TCF12: variants seen among roughly 807,000 people sequenced by gnomAD.
TCF12 encodes the protein DNA-binding protein HTF4.
Under a neutral mutation model 86.0 loss-of-function variants are expected in TCF12, and 45 were observed. The observed-to-expected ratio is 0.52, with a 90% CI of 0.41 to 0.67. The LOEUF (loss-of-function observed/expected upper bound fraction) is 0.67, where lower values mean the gene tolerates loss of function less well. Ranked by LOEUF, TCF12 falls within the 30% of genes least tolerant of loss-of-function variation. TCF12 has a pLI of 0.00. For synonymous variants in TCF12, 330 were observed against 299.6 expected (o/e 1.10, Z -1.05); for missense variants, 881 against 859.9 (o/e 1.02, Z -0.31).
intron 3 of TCF12, among the ~76,000 whole-genome samples, chr15:57,009,930 A>T (rs1255853438): frequency 6.6e-6 from 1 of 152,168 alleles, no homozygotes; most frequent in Non-Finnish European, 1.5e-5. Flanking sequence ...AGGTATTTGG[A>T]TTTATATATT....
In TCF12 at chr15:57,286,883, A is replaced by G. The variant is rs1404038266; in HGVS notation, c.*738A>G. 8 of 337,906 alleles carry G rather than the reference A, an allele frequency of 2.4e-5. No individual in the cohort carries two copies. Among genetic ancestry groups the G allele is most frequent in the Non-Finnish European group, 4.1e-5 (7 of 172,526 alleles). The allele number at this position is 337,906 out of a possible 1,614,324, so 20.9% of individuals were successfully genotyped here. On this transcript the variant is annotated 3_prime_UTR_variant, in exon 21 of 21. Transcript: ENST00000333725. Reference sequence around the variant, plus strand: ...GGTCACAGTCCAGCCTCCTCCGTGCAGCCCTGTGTGCTTTGCACATTTACC... The same window carrying G: ...GGTCACAGTCCAGCCTCCTCCGTGCGGCCCTGTGTGCTTTGCACATTTACC...
chr15:57,168,146 T>A (rs1567552816), intron 6 of TCF12, among the ~76,000 whole-genome samples: 2 of 151,234 alleles, frequency 1.3e-5, no homozygotes, highest in Non-Finnish European at 1.5e-5. Context: ...ATTGCATCTC[T>A]AAAAAAAAAT....
rs4774909 is a variant in TCF12 at position 57,113,009 on chromosome 15, G to A, written c.325+21118G>A. Among the ~76,000 whole-genome samples, 544 of 152,028 alleles carry A rather than the reference G, an allele frequency of 3.6e-3. 2 individuals are homozygous for A. The highest frequency in any genetic ancestry group is 6.4e-3 in the South Asian group (31 of 4,824). ...TTTTTCATGGTAAGAAGTTATCGTGGATCTCCTGCACATCATTGTTCTGTG... is the reference window on the plus strand; with the variant it reads ...TTTTTCATGGTAAGAAGTTATCGTGAATCTCCTGCACATCATTGTTCTGTG... On this transcript the variant is annotated intron_variant, in intron 5 of 20. Coordinates refer to ENST00000333725, the MANE Select transcript of TCF12 (RefSeq NM_207037.2).
chr15:57,246,096 G>T (rs561384719), intron 13 of TCF12, among the ~76,000 whole-genome samples: 1 of 152,240 alleles, frequency 6.6e-6, no homozygotes, highest in Non-Finnish European at 1.5e-5. Context: ...ATCTTGTGTG[G>T]CAATGGCCTG....
At chr15:56,946,348 C>A (rs1232645206) in intron 3 of TCF12, among the ~76,000 whole-genome samples, 1 of 152,186 alleles carries the variant, frequency 6.6e-6, no homozygotes, top group African/African-American at 2.4e-5. Context: ...GGCTACCGAT[C>A]TTTTCTTCTG....
chr15:56,945,314 A>G (rs1234043214), intron 3 of TCF12, among the ~76,000 whole-genome samples: 2 of 152,110 alleles, frequency 1.3e-5, no homozygotes, highest in African/African-American at 4.8e-5. Context: ...GAGAGTTTAT[A>G]TTAATCCATG....
chr15:57,019,064 T>G (rs1292415985), intron 3 of TCF12, among the ~76,000 whole-genome samples: 2 of 152,176 alleles, frequency 1.3e-5, no homozygotes, highest in Admixed American at 6.5e-5. Context: ...CTGTTAAGAA[T>G]GAGAGGAGTT....
At chr15:56,941,479 TCTC>T (rs2060773308) in intron 3 of TCF12, among the ~76,000 whole-genome samples, 1 of 151,718 alleles carries the variant, frequency 6.6e-6, no homozygotes. Flanking sequence ...TTCTAGCAAT[TCTC>T]CTGCCTCAGC....
At chr15:57,269,777 C>A (rs2061044911) in intron 18 of TCF12, among the ~76,000 whole-genome samples, 1 of 152,098 alleles carries the variant, frequency 6.6e-6, no homozygotes, top group African/African-American at 2.4e-5. Context: ...TCAGCATTTG[C>A]TTGTCTGTAA....
chr15:57,264,157 C>G (rs1440706452), intron 18 of TCF12, among the ~76,000 whole-genome samples: 1 of 120,278 alleles, frequency 8.3e-6, no homozygotes, highest in East Asian at 2.6e-4. Context: ...CATTATATAG[C>G]TATACAAAAA....
At chr15:57,065,356 A>C (rs149166898) in intron 4 of TCF12, among the ~76,000 whole-genome samples, 4 of 152,198 alleles carry the variant, frequency 2.6e-5, no homozygotes, top group Non-Finnish European at 4.4e-5. Flanking sequence ...TCTTGAGGCT[A>C]CTTAAACTGG....
intron 5 of TCF12, among the ~76,000 whole-genome samples, chr15:57,157,688 G>A (rs1399455624): frequency 2.0e-5 from 3 of 151,074 alleles, no homozygotes; most frequent in Non-Finnish European, 4.4e-5. Context: ...TCAGCCTCCC[G>A]AGTAGCTGGG....
chr15:57,088,848 A>G (rs1287390459), intron 4 of TCF12, among the ~76,000 whole-genome samples: 2 of 152,146 alleles, frequency 1.3e-5, no homozygotes, highest in African/African-American at 4.8e-5. Flanking sequence ...GGTCAACTAG[A>G]TGATACATTG....
At chr15:57,144,853 C>T (rs2053245505) in intron 5 of TCF12, among the ~76,000 whole-genome samples, 1 of 152,160 alleles carries the variant, frequency 6.6e-6, no homozygotes, top group Non-Finnish European at 1.5e-5. Context: ...CCACCTGCCT[C>T]AACCTCCCAA....
intron 4 of TCF12, among the ~76,000 whole-genome samples, chr15:57,082,845 G>A (rs376456902): frequency 3.3e-5 from 5 of 152,120 alleles, no homozygotes; most frequent in South Asian, 2.1e-4. Flanking sequence ...ATATAAATTC[G>A]TACAAGGAGA....
intron 3 of TCF12, among the ~76,000 whole-genome samples, chr15:57,007,256 A>G (rs1485206076): frequency 6.6e-6 from 1 of 152,202 alleles, no homozygotes; most frequent in Non-Finnish European, 1.5e-5. Flanking sequence ...TTCCTTATCT[A>G]CCAATATTAA....
chr15:57,162,448 A>G (rs1054360302), intron 5 of TCF12, among the ~76,000 whole-genome samples: 1 of 152,206 alleles, frequency 6.6e-6, no homozygotes, highest in African/African-American at 2.4e-5. Context: ...ACTCAAACTT[A>G]TAAGTCCTTA....
intron 5 of TCF12, among the ~76,000 whole-genome samples, chr15:57,095,667 A>G (rs895592461): frequency 3.9e-5 from 6 of 152,144 alleles, no homozygotes; most frequent in Admixed American, 2.6e-4. Context: ...TTTGTTAACA[A>G]TTTTTCTTTT....
At chr15:56,924,150 T>C (rs1468791292) in intron 3 of TCF12, among the ~76,000 whole-genome samples, 1 of 152,186 alleles carries the variant, frequency 6.6e-6, no homozygotes, top group East Asian at 1.9e-4. Context: ...TAGATTCATA[T>C]GCAGTTGTAA....
Sources: gnomAD v4.1 joint callset for allele counts (sites outside exome capture counted in the v4.1 genomes callset) on GRCh38, gnomAD v4.1.1 for gene constraint, MANE v1.5 for transcripts, NCBI Gene and HGNC (gene_info 2026-07-23, HGNC 2026-07-21) for gene names.